Variants in DLGAP2 observed in about 807,000 individuals in gnomAD.
The protein encoded by DLGAP2 is disks large-associated protein 2.
Under a neutral mutation model 100.3 loss-of-function variants are expected in DLGAP2, and 26 were observed. The ratio of observed to expected loss-of-function variants is 0.26; its 90% CI spans 0.19 to 0.36. The LOEUF is 0.36. Among genes scored for constraint, DLGAP2 ranks in the 10% least tolerant of loss-of-function variants. The pLI, the probability that DLGAP2 is intolerant of heterozygous loss-of-function variation, is 1.00. For synonymous variants in DLGAP2, 886 were observed against 630.1 expected, an observed-to-expected ratio of 1.41 and a Z score of -6.08; for missense variants, 1,858 against 1,453.2, an observed-to-expected ratio of 1.28 and a Z score of -4.53.
chr8:1,037,240 C>T (rs1314289275), intron 2 of DLGAP2, among the ~76,000 whole-genome samples: 3 of 152,176 alleles, frequency 2.0e-5, no homozygotes, highest in African/African-American at 7.2e-5. Flanking sequence ...CCGAGCTTTC[C>T]ACCTTCCCTC....
chr8:1,081,695 T>TA (rs2129039585), intron 2 of DLGAP2, among the ~76,000 whole-genome samples: 1 of 152,352 alleles, frequency 6.6e-6, no homozygotes, highest in East Asian at 1.9e-4. Flanking sequence ...TTCTTATTAA[T>TA]TCCATTCTGT....
At chr8:1,079,871 G>A (rs917770654) in intron 2 of DLGAP2, among the ~76,000 whole-genome samples, 2 of 152,230 alleles carry the variant, frequency 1.3e-5, no homozygotes, top group Non-Finnish European at 2.9e-5. Context: ...CTTTTGATTG[G>A]ACGTGGCAGG....
intron 1 of DLGAP2, among the ~76,000 whole-genome samples, chr8:769,122 G>A (rs1035248627): frequency 6.6e-6 from 1 of 152,114 alleles, no homozygotes; most frequent in African/African-American, 2.4e-5. Flanking sequence ...AGTGTGAGCA[G>A]CTCGGATCTC....
chr8:1,320,992 C>T (rs960947428), intron 3 of DLGAP2, among the ~76,000 whole-genome samples: 1 of 151,016 alleles, frequency 6.6e-6, no homozygotes, highest in Non-Finnish European at 1.5e-5. Flanking sequence ...TGCGTGCATC[C>T]GTGTGCCTCT....
intron 4 of DLGAP2, among the ~76,000 whole-genome samples, chr8:1,540,489 A>G (rs368729264): frequency 1.1e-4 from 17 of 152,250 alleles, no homozygotes; most frequent in African/African-American, 3.9e-4. Context: ...CAGAAGATCT[A>G]TCTAAAACCT....
In DLGAP2 at chr8:1,254,740, C is replaced by T. The variant is rs555081550; in HGVS notation, c.74-4111C>T. 2.0e-4 allele frequency among the ~76,000 whole-genome samples: 30 copies of T among 152,302 alleles called. No individual in the cohort carries two copies. In the South Asian group the frequency reaches 2.7e-3, roughly 14 times the overall value. ...AGACGAAAAAATCCCTTTTGGGTTT[C>T]GGGGGCCGAGTGAGTGTGCAGAGTT... On this transcript the variant is annotated intron_variant, in intron 2 of 14. Coordinates refer to ENST00000637795, the MANE Select transcript of DLGAP2 (RefSeq NM_001346810.2).
At chr8:1,360,527 G>A (rs577121232) in intron 3 of DLGAP2, among the ~76,000 whole-genome samples, 92 of 152,246 alleles carry the variant, frequency 6.0e-4, no homozygotes, top group East Asian at 4.8e-3. Context: ...TGCCCTCGAG[G>A]GGCAGCACGG....
At chr8:1,111,481 A>G (rs927984642) in intron 2 of DLGAP2, among the ~76,000 whole-genome samples, 2 of 151,966 alleles carry the variant, frequency 1.3e-5, no homozygotes, top group African/African-American at 4.8e-5. Flanking sequence ...GATGTATTGT[A>G]TAGGTTATTT....
At position 1,548,769 on chromosome 8, in the gene DLGAP2, G is replaced by T. The variant is rs1460678970; in HGVS notation, c.316G>T (p.Asp106Tyr). 1 of 1,598,836 alleles carries T rather than the reference G, an allele frequency of 6.3e-7. No individual in the cohort carries two copies. The highest frequency in any genetic ancestry group is 8.5e-7 in the Non-Finnish European group (1 of 1,175,162). ...CACGTGTGGTCTGGCGCCCCCGGAG[G>T]ACTGCGAGCACCTGCACCACGGGCC... ...GHTCGLAPPE[D>Y]CEHLHHGPDA... is the part of the protein sequence containing the mutation. The change falls in exon 5 of 15, where the codon GAC becomes TAC. Residue 106 changes from aspartate (D) to tyrosine (Y), a missense_variant. Asp to Tyr is a radical substitution (Grantham distance 160). Coordinates refer to ENST00000637795, the MANE Select transcript of DLGAP2 (RefSeq NM_001346810.2).
chr8:799,389 T>G (rs1030712376), intron 1 of DLGAP2, among the ~76,000 whole-genome samples: 1 of 151,940 alleles, frequency 6.6e-6, no homozygotes, highest in Non-Finnish European at 1.5e-5. Flanking sequence ...GGATCCTGGG[T>G]GCCTGGGTGG....
At chr8:841,359 C>G (rs919996227) in intron 1 of DLGAP2, among the ~76,000 whole-genome samples, 16 of 152,210 alleles carry the variant, frequency 1.1e-4, no homozygotes, top group African/African-American at 3.1e-4. Flanking sequence ...GGCCTCTTCA[C>G]TTGGCTCTGA....
chr8:1,204,185 C>T (rs1249612011), intron 2 of DLGAP2, among the ~76,000 whole-genome samples: 1 of 152,230 alleles, frequency 6.6e-6, no homozygotes, highest in Admixed American at 6.5e-5. Flanking sequence ...GTAAGTCACA[C>T]CCATCACAGA....
In DLGAP2 at chr8:1,331,413, C is replaced by G. The variant is rs74855066; in HGVS notation, c.106+72530C>G. Among the ~76,000 whole-genome samples, 1,344 of 152,130 alleles carry G rather than the reference C, an allele frequency of 8.8e-3. 26 individuals carry two copies. Among genetic ancestry groups the G allele is most frequent in the African/African-American group, 0.031 (1,280 of 41,510 alleles). On this transcript the variant is annotated intron_variant, in intron 3 of 14. Transcript: ENST00000637795. ...TACGGACTCGAGCCTGAAATGTGTC[C>G]GTCCCTCCCCTTTGCAAACCTGCCC... is the stretch of plus-strand genomic sequence containing the variant.
chr8:1,503,756 G>A (rs76296860), intron 4 of DLGAP2, among the ~76,000 whole-genome samples: 2 of 152,276 alleles, frequency 1.3e-5, no homozygotes, highest in Non-Finnish European at 2.9e-5. Flanking sequence ...GTGGGGGTTG[G>A]CCATTGTAAG....
Position 809,972 on chromosome 8 carries a change from C to G in DLGAP2, c.18+72147C>G, listed in dbSNP as rs76473020. Among the ~76,000 whole-genome samples the G allele has an allele frequency of 1.1e-3, 160 of 152,340 alleles. 6 individuals are homozygous for G. In the East Asian group the frequency reaches 0.029, roughly 27 times the overall value. ...TCTTGGAGAAAGCCTGGACTGCGGT[C>G]AAGGCCCTCAGCTCTGGGACTAACT... On this transcript the variant is annotated intron_variant, in intron 1 of 14. Transcript: ENST00000637795.
intron 2 of DLGAP2, among the ~76,000 whole-genome samples, chr8:1,040,130 G>A (rs1308327915): frequency 7.7e-5 from 11 of 142,686 alleles, no homozygotes; most frequent in African/African-American, 2.4e-4. Flanking sequence ...CTCGGTGTGC[G>A]TGGTCAGCTC....
chr8:1,481,949 G>C (rs7816699), intron 3 of DLGAP2, among the ~76,000 whole-genome samples: 2 of 151,998 alleles, frequency 1.3e-5, no homozygotes, highest in Admixed American at 6.5e-5. Context: ...GGGTCCCCCC[G>C]TGGAGAAGGG....
chr8:1,325,533 CT>C (rs1364126014), intron 3 of DLGAP2, among the ~76,000 whole-genome samples: 1 of 152,218 alleles, frequency 6.6e-6, no homozygotes, highest in African/African-American at 2.4e-5. Context: ...GCATACATTG[CT>C]AGCTCAGGCC....
rs187800400 is a variant in DLGAP2, at chr8:1,086,182, C to A, written c.74-172669C>A. On this transcript the variant is annotated intron_variant, in intron 2 of 14. Coordinates refer to ENST00000637795, the MANE Select transcript of DLGAP2 (RefSeq NM_001346810.2). The stretch of plus-strand genomic sequence containing the variant: ...TTTTTGGTGGAGTTTGTAGGGTTTT[C>A]TATATATAATATGGTGTCATCTGCA... 3.3e-5 allele frequency among the ~76,000 whole-genome samples: 5 copies of A among 152,236 alleles called. No homozygotes were observed. In the East Asian group the frequency reaches 9.6e-4, roughly 29 times the overall value.
Sources: gnomAD v4.1 joint callset for allele counts (sites outside exome capture counted in the v4.1 genomes callset) on GRCh38, gnomAD v4.1.1 for gene constraint, MANE v1.5 for transcripts, NCBI Gene and HGNC (gene_info 2026-07-23, HGNC 2026-07-21) for gene names.